IFI27L1: variants seen among roughly 807,000 people sequenced by gnomAD.
IFI27L1 encodes the protein interferon alpha inducible protein 27 like 1.
In IFI27L1, 3 loss-of-function variants were observed where a neutral mutation model predicts 9.2. That is an observed-to-expected ratio of 0.32 (90% CI 0.15 to 0.84). The LOEUF (loss-of-function observed/expected upper bound fraction) is 0.84. Among genes scored for constraint, IFI27L1 ranks in the 40% least tolerant of loss-of-function variants. The probability of loss-of-function intolerance (pLI) is 0.56; values close to 1 mark genes in which losing one functional copy is unlikely to be tolerated. For missense variants in IFI27L1, 133 were observed against 134.2 expected (o/e 0.99, Z 0.05); for synonymous variants, 53 against 50.0 (o/e 1.06, Z -0.26).
intron 2 of IFI27L1, chr14:94,097,572 A>G (rs1595395898): frequency 2.9e-6 from 2 of 699,786 alleles, no homozygotes; most frequent in East Asian, 2.7e-5. Context: ...AGGCAGAGAG[A>G]CAAGTTAGGA....
intron 1 of IFI27L1, among the ~76,000 whole-genome samples, chr14:94,092,473 T>C (rs1420216504): frequency 8.5e-5 from 13 of 152,090 alleles, no homozygotes. Context: ...ATTGCACCAC[T>C]GCACTCCAGT....
At chr14:94,091,923 A>C (rs1168639951) in intron 1 of IFI27L1, among the ~76,000 whole-genome samples, 2 of 151,882 alleles carry the variant, frequency 1.3e-5, no homozygotes, top group African/African-American at 4.8e-5. Context: ...TAGGAGTTTG[A>C]GACCAGCCTG....
intron 2 of IFI27L1, chr14:94,097,564 G>T: frequency 1.4e-6 from 1 of 698,434 alleles, no homozygotes; most frequent in Admixed American, 2.0e-5. Flanking sequence ...CAGAGCAGAG[G>T]CAGAGAGACA....
chr14:94,101,421 C>T (rs11852002), intron 3 of IFI27L1: 50,715 of 259,134 alleles, frequency 0.2, 6,340 homozygotes, highest in East Asian at 0.42. Context: ...GCCTCCATCC[C>T]CTCACCTCTC....
chr14:94,087,941 C>G (rs1449318828), intron 1 of IFI27L1, among the ~76,000 whole-genome samples: 1 of 152,124 alleles, frequency 6.6e-6, no homozygotes, highest in Non-Finnish European at 1.5e-5. Flanking sequence ...CACGCCATAC[C>G]CAGCAGTGAA....
Position 94,101,822 on chromosome 14 carries a change from G to C in IFI27L1, c.70G>C (p.Val24Leu). 1 of 1,614,222 alleles carries C rather than the reference G, an allele frequency of 6.2e-7. No homozygotes were observed. Among genetic ancestry groups the C allele is most frequent in the Non-Finnish European group, 8.5e-7 (1 of 1,180,030 alleles). The change falls in exon 4 of 5, where the codon GTG becomes CTG. Residue 24 changes from valine to leucine, a missense_variant. Coordinates refer to ENST00000555523, the MANE Select transcript of IFI27L1 (RefSeq NM_206949.3). The stretch of plus-strand genomic sequence containing the variant: ...ATCTCCACTTCCCGCAGTTGTGGCT[G>C]TGGGGACTGTGCTCGTGGCGCTCAG... ...VAAVVGGVVA[V>L]GTVLVALSAM...
chr14:94,081,942 C>T (rs1164780893), intron 1 of IFI27L1, among the ~76,000 whole-genome samples: 1 of 152,170 alleles, frequency 6.6e-6, no homozygotes, highest in Non-Finnish European at 1.5e-5. Flanking sequence ...AAGAAAGAGT[C>T]GCACATCTCT....
intron 1 of IFI27L1, among the ~76,000 whole-genome samples, chr14:94,083,020 A>G (rs139898461): frequency 1.7e-3 from 265 of 152,346 alleles, no homozygotes; most frequent in Middle Eastern, 0.01. Flanking sequence ...AACCTTCTGG[A>G]AAGGGTTCAC....
intron 1 of IFI27L1, among the ~76,000 whole-genome samples, chr14:94,086,897 A>G (rs916425172): frequency 2.0e-5 from 3 of 152,138 alleles, no homozygotes; most frequent in Admixed American, 6.5e-5. Context: ...TTATTTATTC[A>G]ATTTTTGTTA....
intron 1 of IFI27L1, among the ~76,000 whole-genome samples, chr14:94,087,607 T>C (rs146908783): frequency 0.013 from 2,015 of 152,222 alleles, 52 homozygotes; most frequent in African/African-American, 0.045. Context: ...TTTCTATTTT[T>C]AGTAGAGATG....
At chr14:94,102,197 CT>C in intron 4 of IFI27L1, 1 of 608,814 alleles carries the variant, frequency 1.6e-6, no homozygotes, top group Non-Finnish European at 2.9e-6. Context: ...GTCTCCTCCC[CT>C]CTCTGGGCCT....
At chr14:94,100,213 C>T (rs882269) in intron 2 of IFI27L1, 500,362 of 941,424 alleles carry the variant, frequency 0.53, 136,282 homozygotes, top group East Asian at 0.95. Context: ...GAGCCATGAG[C>T]TAAAAGCTTC....
intron 3 of IFI27L1, chr14:94,101,054 T>G: frequency 5.2e-6 from 3 of 578,158 alleles, no homozygotes; most frequent in Non-Finnish European, 3.1e-6. Flanking sequence ...CAGCCCGGGA[T>G]TCCTCCCCGT....
rs111958117 is a variant in IFI27L1 at position 94,095,110 on chromosome 14, C to T, written c.-51-1777C>T. ...AGTGCAGTGGCATGATCACAGCTCA[C>T]TGCAGCCTCGACTTCCTAGGTACAA... On this transcript the variant is annotated intron_variant, in intron 1 of 4. Transcript: ENST00000555523. 3.3e-3 allele frequency among the ~76,000 whole-genome samples: 507 copies of T among 152,332 alleles called. 4 individuals carry two copies. The Middle Eastern group carries it at 0.058, about 17-fold the overall frequency.
At position 94,101,888 on chromosome 14, in the gene IFI27L1, A is replaced by G; in HGVS notation, c.136A>G (p.Ile46Val). ...FTSVGIAASS[I>V]AAKMMSTAAI... ...CTCAGTAGGAATCGCCGCATCCTCC[A>G]TAGCAGCCAAGATGATGTCTACAGC... Residue 46 changes from isoleucine to valine, a missense_variant, in exon 4 of 5, where the codon ATA becomes GTA. Transcript: ENST00000555523. 1 of 1,614,228 alleles carries G rather than the reference A, an allele frequency of 6.2e-7. No individual in the cohort carries two copies. The highest frequency in any genetic ancestry group is 8.5e-7 in the Non-Finnish European group (1 of 1,180,034).
chr14:94,091,275 A>G (rs1235847344), intron 1 of IFI27L1, among the ~76,000 whole-genome samples: 1 of 152,250 alleles, frequency 6.6e-6, no homozygotes, highest in African/African-American at 2.4e-5. Context: ...GACAGCCGCT[A>G]TTATAGCCAC....
chr14:94,081,766 A>G lies in IFI27L1; in HGVS notation c.-52+317A>G, dbSNP rs147163854. ...GGGGCGCCATGAGCTGTGCCCATAT[A>G]AGATACAAACGTAATTGATAAATGT... On this transcript the variant is annotated intron_variant, in intron 1 of 4. Transcript: ENST00000555523. Among the ~76,000 whole-genome samples the G allele has an allele frequency of 2.0e-3, 301 of 152,288 alleles. 2 individuals are homozygous for G. Among genetic ancestry groups the G allele is most frequent in the Middle Eastern group, 0.017 (5 of 294 alleles).
chr14:94,101,999 C>T, intron 4 of IFI27L1, 24 bp downstream of exon 4: 1 of 1,614,014 alleles, frequency 6.2e-7, no homozygotes, highest in Non-Finnish European at 8.5e-7. Context: ...ACAGGATGAC[C>T]AGAGCCAGGA....
chr14:94,083,103 G>A (rs1886166142), intron 1 of IFI27L1, among the ~76,000 whole-genome samples: 1 of 152,218 alleles, frequency 6.6e-6, no homozygotes, highest in Non-Finnish European at 1.5e-5. Context: ...CAAGAGTTCG[G>A]AAGAAGTTGA....
Sources: gnomAD v4.1 joint callset for allele counts (sites outside exome capture counted in the v4.1 genomes callset) on GRCh38, gnomAD v4.1.1 for gene constraint, MANE v1.5 for transcripts, NCBI Gene and HGNC (gene_info 2026-07-23, HGNC 2026-07-21) for gene names.